Variants in MAP3K9 observed in about 807,000 individuals in gnomAD.
The protein encoded by MAP3K9 is mixed lineage kinase 1 (tyr and ser/thr specificity).
In MAP3K9, 46 loss-of-function variants were observed where a neutral mutation model predicts 95.8. That is an observed-to-expected ratio of 0.48 (90% CI 0.38 to 0.61). The LOEUF is 0.61. Ranked by LOEUF, MAP3K9 falls within the 20% of genes least tolerant of loss-of-function variation. MAP3K9 has a pLI of 0.00. For synonymous variants in MAP3K9, 533 were observed against 593.8 expected, an observed-to-expected ratio of 0.90 and a Z score of 1.49; for missense variants, 1,296 against 1,474.3, an observed-to-expected ratio of 0.88 and a Z score of 1.98.
At chr14:70,794,371 C>CA (rs1470931530) in intron 2 of MAP3K9, among the ~76,000 whole-genome samples, 1 of 152,184 alleles carries the variant, frequency 6.6e-6, no homozygotes, top group East Asian at 1.9e-4. Context: ...AACATTAATG[C>CA]AAAGTGGATG....
At chr14:70,778,018 G>A (rs1046854444) in intron 2 of MAP3K9, among the ~76,000 whole-genome samples, 2 of 151,980 alleles carry the variant, frequency 1.3e-5, no homozygotes, top group Non-Finnish European at 2.9e-5. Context: ...GAAAAGAGAG[G>A]GATAAATAGA....
intron 2 of MAP3K9, among the ~76,000 whole-genome samples, chr14:70,770,033 T>G (rs1433049333): frequency 6.6e-6 from 1 of 152,086 alleles, no homozygotes; most frequent in African/African-American, 2.4e-5. Context: ...TCTGGGAAAT[T>G]CCCATGGAAT....
Position 70,767,891 on chromosome 14 carries a change from G to A in MAP3K9, c.821-6709C>T, listed in dbSNP as rs187734994. Among the ~76,000 whole-genome samples the A allele has an allele frequency of 7.7e-3, 1,168 of 152,154 alleles. 37 individuals carry two copies. The highest frequency in any genetic ancestry group is 0.057 in the Admixed American group (870 of 15,282). On this transcript the variant is annotated intron_variant, in intron 2 of 11. Coordinates refer to ENST00000554752, the MANE Select transcript of MAP3K9 (RefSeq NM_001284230.2). The stretch of plus-strand genomic sequence containing the variant: ...TTGTATTGACCGGTTGGTCTTGAAC[G>A]CCTGGTCTCAAGCAATCCTCCTGCC...
In MAP3K9 at chr14:70,730,868, G is replaced by A; in HGVS notation, c.2831-4C>T. Reference sequence around the variant, plus strand: ...GGACTGGGGGTTTTCAACATTCCTGGTCAAAAAGACAAAAGGAGAAGCATC... The same window carrying A: ...GGACTGGGGGTTTTCAACATTCCTGATCAAAAAGACAAAAGGAGAAGCATC... On this transcript the variant is annotated splice_region_variant and splice_polypyrimidine_tract_variant and intron_variant, in intron 11 of 11. Coordinates refer to ENST00000554752, the MANE Select transcript of MAP3K9 (RefSeq NM_001284230.2). 6.3e-7 allele frequency: 1 copy of A among 1,592,986 alleles called. No individual in the cohort carries two copies. The highest frequency in any genetic ancestry group is 8.5e-7 in the Non-Finnish European group (1 of 1,172,990).
chr14:70,741,975 T>C (rs2054076217), intron 6 of MAP3K9, among the ~76,000 whole-genome samples: 1 of 152,150 alleles, frequency 6.6e-6, no homozygotes, highest in Non-Finnish European at 1.5e-5. Context: ...AGACAAGTTA[T>C]TTTGCAGAGC....
intron 2 of MAP3K9, among the ~76,000 whole-genome samples, chr14:70,799,531 G>T (rs2139858282): frequency 6.6e-6 from 1 of 152,148 alleles, no homozygotes; most frequent in East Asian, 1.9e-4. Context: ...AGTGGAGACG[G>T]GGTTTCACCG....
chr14:70,781,998 C>T (rs1239811026), intron 2 of MAP3K9, among the ~76,000 whole-genome samples: 1 of 152,290 alleles, frequency 6.6e-6, no homozygotes, highest in East Asian at 1.9e-4. Flanking sequence ...TGGGGCAGGC[C>T]GCCTTCCCTG....
chr14:70,761,787 A>G (rs918546431), intron 2 of MAP3K9, among the ~76,000 whole-genome samples: 8 of 152,190 alleles, frequency 5.3e-5, no homozygotes, highest in Non-Finnish European at 1.2e-4. Context: ...CATAAAATTA[A>G]CCATTTCAAA....
In MAP3K9 at chr14:70,761,001, C is replaced by T; in HGVS notation, c.1001+1G>A. 6.2e-7 allele frequency: 1 copy of T among 1,613,658 alleles called. No homozygotes were observed. ...GCTGTCCCTGCCCCCCTGGACCTTACCTCCACACATCACTGCCTTTGGAAA... is the reference window on the plus strand; with the variant it reads ...GCTGTCCCTGCCCCCCTGGACCTTATCTCCACACATCACTGCCTTTGGAAA... On this transcript the variant is annotated splice_donor_variant, in intron 3 of 11. Coordinates refer to ENST00000554752, the MANE Select transcript of MAP3K9 (RefSeq NM_001284230.2). LOFTEE classifies it high-confidence loss of function.
intron 1 of MAP3K9, among the ~76,000 whole-genome samples, chr14:70,804,953 C>T (rs2054974275): frequency 6.6e-6 from 1 of 152,110 alleles, no homozygotes; most frequent in Non-Finnish European, 1.5e-5. Flanking sequence ...CTGCTCAGTC[C>T]CTGTGGATAG....
At chr14:70,768,520 C>T (rs2054488288) in intron 2 of MAP3K9, among the ~76,000 whole-genome samples, 1 of 152,078 alleles carries the variant, frequency 6.6e-6, no homozygotes, top group African/African-American at 2.4e-5. Flanking sequence ...TACAGACAAA[C>T]AGCACCAAAA....
Position 70,722,699 on chromosome 14 carries a change from A to G in MAP3K9, c.*7681T>C, listed in dbSNP as rs2053769685. The G allele has an allele frequency of 1.1e-5, 1 of 91,628 alleles. No individual in the cohort carries two copies. The allele number at this position is 91,628 out of a possible 1,614,324, so 5.7% of individuals were successfully genotyped here. A position where few individuals can be genotyped will look rare whatever the true frequency, so the allele number is the denominator to read the frequency against. ...AAGAAAAAAAAAAAAAAGCCAAAGGAAAGAACCTGGTAAGTTTCCTTCAGG... is the reference window on the plus strand; with the variant it reads ...AAGAAAAAAAAAAAAAAGCCAAAGGGAAGAACCTGGTAAGTTTCCTTCAGG... On this transcript the variant is annotated 3_prime_UTR_variant, in exon 12 of 12. Coordinates refer to ENST00000554752, the MANE Select transcript of MAP3K9 (RefSeq NM_001284230.2).
intron 2 of MAP3K9, among the ~76,000 whole-genome samples, chr14:70,778,620 G>A (rs1450246183): frequency 2.0e-5 from 3 of 152,150 alleles, no homozygotes; most frequent in Non-Finnish European, 4.4e-5. Flanking sequence ...CTATAACACT[G>A]TCATCATCAT....
At chr14:70,748,123 G>GA (rs1369749408) in intron 5 of MAP3K9, among the ~76,000 whole-genome samples, 2 of 145,986 alleles carry the variant, frequency 1.4e-5, no homozygotes, top group Non-Finnish European at 3.0e-5. Context: ...AAAAAAAATG[G>GA]TAAAAGAAAT....
intron 2 of MAP3K9, among the ~76,000 whole-genome samples, chr14:70,764,192 C>CAAAA (rs71105731): frequency 1.0e-4 from 3 of 29,852 alleles, no homozygotes; most frequent in African/African-American, 1.2e-4. Flanking sequence ...GACTCCGTCT[C>CAAAA]AAAAAAAAAA....
chr14:70,742,913 A>T (rs946535548), intron 5 of MAP3K9, among the ~76,000 whole-genome samples: 57 of 3,648 alleles, frequency 0.016, no homozygotes, highest in South Asian at 0.14. Flanking sequence ...ATATATATTT[A>T]TATATATATA....
intron 2 of MAP3K9, among the ~76,000 whole-genome samples, chr14:70,785,672 C>T (rs1391230203): frequency 2.6e-5 from 4 of 151,968 alleles, no homozygotes; most frequent in Admixed American, 1.3e-4. Context: ...TTGGATGACC[C>T]GGGATCATTG....
chr14:70,782,796 C>A (rs1355643502), intron 2 of MAP3K9, among the ~76,000 whole-genome samples: 1 of 152,174 alleles, frequency 6.6e-6, no homozygotes, highest in East Asian at 1.9e-4. Flanking sequence ...TAGTCTACCT[C>A]TGAATATTAC....
rs780692603 is a variant in MAP3K9, at chr14:70,738,361, G to A, written c.1728C>T (p.Ser576=). 1 of 1,613,964 alleles carries A rather than the reference G, an allele frequency of 6.2e-7. No individual in the cohort carries two copies. Among genetic ancestry groups the A allele is most frequent in the Non-Finnish European group, 8.5e-7 (1 of 1,179,972 alleles). The change falls in exon 8 of 12, where the codon AGC becomes AGT. Residue 576 remains serine (S), a synonymous_variant. Coordinates refer to ENST00000554752, the MANE Select transcript of MAP3K9 (RefSeq NM_001284230.2). ...PGESSKTWGR[S]SVVPKEEGEE... The stretch of plus-strand genomic sequence containing the variant: ...CCCCTTCCTCCTTTGGGACGACTGA[G>A]CTCCTGCCCCAGGTTTTGCTGCTTT...
Sources: gnomAD v4.1 joint callset for allele counts (sites outside exome capture counted in the v4.1 genomes callset) on GRCh38, gnomAD v4.1.1 for gene constraint, MANE v1.5 for transcripts, NCBI Gene and HGNC (gene_info 2026-07-23, HGNC 2026-07-21) for gene names.